Variants in SLC18A1 observed in about 807,000 individuals in gnomAD.
SLC18A1 encodes the protein chromaffin granule amine transporter.
In SLC18A1, 69 loss-of-function variants were observed where a neutral mutation model predicts 53.7. That is an observed-to-expected ratio of 1.28 (90% CI 1.06 to 1.57). The LOEUF (loss-of-function observed/expected upper bound fraction) is 1.57. Ranked by LOEUF, SLC18A1 falls within the 40% of genes most tolerant of loss-of-function variation. The probability of loss-of-function intolerance (pLI) is 0.00; values close to 1 mark genes in which losing one functional copy is unlikely to be tolerated. For synonymous variants in SLC18A1, 320 were observed against 248.1 expected (o/e 1.29, Z -2.72); for missense variants, 932 against 668.1 (o/e 1.40, Z -4.35).
chr8:20,165,679 T>G (rs984713350), intron 8 of SLC18A1, among the ~76,000 whole-genome samples: 1 of 152,164 alleles, frequency 6.6e-6, no homozygotes, highest in Non-Finnish European at 1.5e-5. Context: ...TCATCTAAAC[T>G]TGGTCGCCCC....
In SLC18A1 at chr8:20,164,774, G is replaced by A. The variant is rs1009105015; in HGVS notation, c.1015+95C>T. The A allele has an allele frequency of 1.4e-5, 13 of 925,038 alleles. No individual in the cohort carries two copies. The African/African-American group carries it at 2.0e-4, about 14-fold the overall frequency. The allele number at this position is 925,038 out of a possible 1,614,324, so 57.3% of individuals were successfully genotyped here. A position where few individuals can be genotyped will look rare whatever the true frequency, so the allele number is the denominator to read the frequency against. On this transcript the variant is annotated intron_variant, in intron 10 of 15. Transcript: ENST00000276373. Reference sequence around the variant, plus strand: ...TGGACGTGGGAGGTCATTCTACAAAGGAAGCATGTTGTCCCTGTGTGACAT... The same window carrying A: ...TGGACGTGGGAGGTCATTCTACAAAAGAAGCATGTTGTCCCTGTGTGACAT...
chr8:20,156,300 A>T (rs932187363), intron 10 of SLC18A1, among the ~76,000 whole-genome samples: 22 of 151,432 alleles, frequency 1.5e-4, no homozygotes, highest in African/African-American at 5.1e-4. Context: ...AAAATCTTAA[A>T]GTATGGGGCT....
At chr8:20,165,834 C>A (rs575417203) in intron 8 of SLC18A1, among the ~76,000 whole-genome samples, 1 of 152,198 alleles carries the variant, frequency 6.6e-6, no homozygotes, top group South Asian at 2.1e-4. Flanking sequence ...TAGAGAGCTC[C>A]CTGACTCAGT....
At chr8:20,166,295 A>C (rs1344038151) in intron 8 of SLC18A1, among the ~76,000 whole-genome samples, 11,294 of 96,930 alleles carry the variant, frequency 0.12, 1,032 homozygotes, top group Middle Eastern at 0.24. Context: ...GTGTCTATAT[A>C]TATATATATA....
At chr8:20,171,213 T>C in intron 7 of SLC18A1, 67 bp from the exon 8 acceptor site, 6 of 1,534,080 alleles carry the variant, frequency 3.9e-6, no homozygotes, top group Non-Finnish European at 4.5e-6. Context: ...CAATAACAGC[T>C]GTAGTGCTAC....
chr8:20,146,530 G>T (rs909132445), intron 15 of SLC18A1, among the ~76,000 whole-genome samples: 2 of 152,142 alleles, frequency 1.3e-5, no homozygotes, highest in African/African-American at 4.8e-5. Context: ...CAGGCCCTCA[G>T]GATGTTTGTG....
intron 8 of SLC18A1, among the ~76,000 whole-genome samples, chr8:20,170,663 G>C (rs976766503): frequency 6.6e-6 from 1 of 152,072 alleles, no homozygotes; most frequent in Non-Finnish European, 1.5e-5. Flanking sequence ...TGTTGTCTAG[G>C]TGGCCCCCAC....
chr8:20,174,123 G>A (rs1269009309), intron 5 of SLC18A1, among the ~76,000 whole-genome samples: 1 of 151,814 alleles, frequency 6.6e-6, no homozygotes, highest in African/African-American at 2.4e-5. Context: ...AGGCTGCCCG[G>A]GTTGGTCTCA....
At chr8:20,153,170 T>A (rs2071601329) in intron 10 of SLC18A1, among the ~76,000 whole-genome samples, 1 of 152,188 alleles carries the variant, frequency 6.6e-6, no homozygotes, top group Non-Finnish European at 1.5e-5. Flanking sequence ...AAACCCACTT[T>A]AGGTTTGTGG....
intron 12 of SLC18A1, chr8:20,148,545 C>T (rs1229358948): frequency 3.7e-6 from 4 of 1,093,136 alleles, no homozygotes; most frequent in African/African-American, 3.2e-5. Context: ...AGAGAAGAGG[C>T]CCCAACAACC....
At position 20,144,895 on chromosome 8, in the gene SLC18A1, T is replaced by C. The variant is rs2071355782; in HGVS notation, c.*868A>G. 2 of 152,208 alleles carry C rather than the reference T, an allele frequency of 1.3e-5. No homozygotes were observed. The highest frequency in any genetic ancestry group is 4.1e-4 in the South Asian group (2 of 4,838). The allele number at this position is 152,208 out of a possible 1,614,324, so 9.4% of individuals were successfully genotyped here. A position where few individuals can be genotyped will look rare whatever the true frequency, so the allele number is the denominator to read the frequency against. On this transcript the variant is annotated 3_prime_UTR_variant, in exon 16 of 16. Transcript: ENST00000276373. Reference sequence around the variant, plus strand: ...TGTATTTATTAGCAAGTATGAACAATGTCACATTACACCCCTCCTGTTAGG... The same window carrying C: ...TGTATTTATTAGCAAGTATGAACAACGTCACATTACACCCCTCCTGTTAGG...
At chr8:20,182,978 AACTTT>A (rs1272539324) in intron 1 of SLC18A1, 80 bp downstream of exon 1, 1 of 152,234 alleles carries the variant, frequency 6.6e-6, no homozygotes. Context: ...ATCAATAGTA[AACTTT>A]ACTTAACAGT....
At chr8:20,150,813 A>T in intron 10 of SLC18A1, 69 bp from the exon 11 acceptor site, 1 of 1,359,178 alleles carries the variant, frequency 7.4e-7, no homozygotes, top group Non-Finnish European at 1.1e-6. Context: ...GTCTCGTACA[A>T]GACACTGAAG....
intron 12 of SLC18A1, among the ~76,000 whole-genome samples, chr8:20,149,453 G>A (rs2071488692): frequency 6.6e-6 from 1 of 152,052 alleles, no homozygotes; most frequent in African/African-American, 2.4e-5. Context: ...AGCCACTGCA[G>A]CTGGTGGCCT....
chr8:20,156,782 A>G (rs903802817), intron 10 of SLC18A1, among the ~76,000 whole-genome samples: 4 of 152,248 alleles, frequency 2.6e-5, no homozygotes, highest in African/African-American at 9.6e-5. Flanking sequence ...AAGGAAAAGG[A>G]CAAATGCCCT....
At chr8:20,179,601 G>A in intron 2 of SLC18A1, 117 bp from the exon 3 acceptor site, 1 of 1,328,902 alleles carries the variant, frequency 7.5e-7, no homozygotes. Context: ...GACAGGTGAT[G>A]GGGGCTAAGG....
At chr8:20,166,815 A>C (rs2071979151) in intron 8 of SLC18A1, among the ~76,000 whole-genome samples, 1 of 152,124 alleles carries the variant, frequency 6.6e-6, no homozygotes, top group Non-Finnish European at 1.5e-5. Context: ...AGGTCATAAG[A>C]GTGGGGGCTC....
Position 20,156,438 on chromosome 8 carries a change from C to T in SLC18A1, c.1016-5694G>A, listed in dbSNP as rs552385689. Reference sequence around the variant, plus strand: ...AAGGTCTGACCAGACTCAGGAGGTACCCCCTTAAGGACAGGAAGATAGATG... The same window carrying T: ...AAGGTCTGACCAGACTCAGGAGGTATCCCCTTAAGGACAGGAAGATAGATG... On this transcript the variant is annotated intron_variant, in intron 10 of 15. Coordinates refer to ENST00000276373, the MANE Select transcript of SLC18A1 (RefSeq NM_003053.4). Among the ~76,000 whole-genome samples the T allele has an allele frequency of 7.5e-4, 114 of 152,202 alleles. 1 individual carries two copies. Among genetic ancestry groups the T allele is most frequent in the African/African-American group, 2.5e-3 (105 of 41,528 alleles).
At chr8:20,181,903 C>G in intron 1 of SLC18A1, 1 of 152,190 alleles carries the variant, frequency 6.6e-6, no homozygotes, top group East Asian at 1.9e-4. Context: ...TAGAAGCACG[C>G]TCATTCTTTT....
Sources: gnomAD v4.1 joint callset for allele counts (sites outside exome capture counted in the v4.1 genomes callset) on GRCh38, gnomAD v4.1.1 for gene constraint, MANE v1.5 for transcripts, NCBI Gene and HGNC (gene_info 2026-07-23, HGNC 2026-07-21) for gene names.